Variants in PPFIA2 observed in about 807,000 individuals in gnomAD.
PPFIA2 encodes PPFI scaffold protein A2, also known as liprin-alpha-2.
PPFIA2 carries 46 observed loss-of-function variants against 175.5 expected under a neutral mutation model. The ratio of observed to expected loss-of-function variants is 0.26; its 90% CI spans 0.21 to 0.34. The LOEUF (loss-of-function observed/expected upper bound fraction) is 0.34. PPFIA2 is among the 10% of genes least tolerant of loss of function. PPFIA2 has a pLI of 1.00. For missense variants in PPFIA2, 1,179 were observed against 1,506.1 expected, an observed-to-expected ratio of 0.78 and a Z score of 3.60; for synonymous variants, 568 against 511.4, an observed-to-expected ratio of 1.11 and a Z score of -1.49.
intron 28 of PPFIA2, among the ~76,000 whole-genome samples, chr12:81,269,603 T>TC (rs779678855): frequency 6.6e-6 from 1 of 152,122 alleles, no homozygotes; most frequent in South Asian, 2.1e-4. Context: ...CCCACAGAGG[T>TC]CCCCTCATGC....
At chr12:81,462,577 T>TACACATATATATA (rs1566933225) in intron 4 of PPFIA2, among the ~76,000 whole-genome samples, 1 of 32,356 alleles carries the variant, frequency 3.1e-5, no homozygotes, top group East Asian at 1.1e-3. Context: ...TGTGTATATA[T>TACACATATATATA]ATATATACAT....
chr12:81,561,277 T>A lies in PPFIA2; in HGVS notation c.304-103411A>T, dbSNP rs1355240510. Among the ~76,000 whole-genome samples, 5 of 152,162 alleles carry A rather than the reference T, an allele frequency of 3.3e-5. No individual in the cohort carries two copies. The East Asian group carries it at 9.6e-4, about 29-fold the overall frequency. On this transcript the variant is annotated intron_variant, in intron 4 of 32. Coordinates refer to ENST00000549396, the MANE Select transcript of PPFIA2 (RefSeq NM_003625.5). ...TTTCCCTTATGATATTGCAGCAAAT[T>A]TAATCTCACTAGTTTCAGACATAAC...
At chr12:81,378,157 A>T (rs2036822746) in intron 9 of PPFIA2, 1 of 152,090 alleles carries the variant, frequency 6.6e-6, no homozygotes, top group Non-Finnish European at 1.5e-5. Flanking sequence ...CTTCAGAGAG[A>T]ATATGGCCCT....
chr12:81,674,505 T>C (rs1053258988), intron 4 of PPFIA2, among the ~76,000 whole-genome samples: 21 of 151,930 alleles, frequency 1.4e-4, no homozygotes, highest in Non-Finnish European at 2.2e-4. Flanking sequence ...CTGTATCTAC[T>C]AGAAATACAA....
chr12:81,390,149 T>A (rs2039844250), intron 8 of PPFIA2, among the ~76,000 whole-genome samples: 1 of 152,080 alleles, frequency 6.6e-6, no homozygotes, highest in Non-Finnish European at 1.5e-5. Flanking sequence ...TAGTATTCCA[T>A]CATGGGGATA....
chr12:81,419,015 T>C (rs2045808224), intron 7 of PPFIA2, among the ~76,000 whole-genome samples: 1 of 152,130 alleles, frequency 6.6e-6, no homozygotes, highest in Non-Finnish European at 1.5e-5. Context: ...TCTCCTTCTA[T>C]AGAGGTGAAA....
intron 4 of PPFIA2, among the ~76,000 whole-genome samples, chr12:81,603,473 G>A (rs2059990064): frequency 6.6e-6 from 1 of 151,218 alleles, no homozygotes; most frequent in African/African-American, 2.4e-5. Flanking sequence ...ACAAAAGTAT[G>A]TTTACATTTG....
chr12:81,759,194 C>A (rs1036680669), intron 1 of PPFIA2, 86 bp downstream of exon 1: 1 of 148,162 alleles, frequency 6.7e-6, no homozygotes, highest in Non-Finnish European at 1.5e-5. Context: ...GCCGCCCCCC[C>A]GCCGCCACAG....
chr12:81,699,849 A>AC (rs1036014865), intron 3 of PPFIA2, among the ~76,000 whole-genome samples: 1 of 152,038 alleles, frequency 6.6e-6, no homozygotes, highest in Non-Finnish European at 1.5e-5. Context: ...TCCATATCTA[A>AC]CTTATTCAAT....
At chr12:81,536,647 ATATT>A (rs2065424483) in intron 4 of PPFIA2, among the ~76,000 whole-genome samples, 1 of 149,226 alleles carries the variant, frequency 6.7e-6, no homozygotes, top group Non-Finnish European at 1.5e-5. Flanking sequence ...AGTAATAAAT[ATATT>A]TATTGAGTTT....
chr12:81,427,685 A>T (rs1286529046), intron 7 of PPFIA2, among the ~76,000 whole-genome samples: 1 of 152,066 alleles, frequency 6.6e-6, no homozygotes, highest in Non-Finnish European at 1.5e-5. Context: ...ATCACATTCA[A>T]AGTATCAACA....
In PPFIA2 at chr12:81,347,783, G is replaced by T; in HGVS notation, c.1995-13C>A. 6.2e-7 allele frequency: 1 copy of T among 1,611,924 alleles called. No homozygotes were observed. The highest frequency in any genetic ancestry group is 8.5e-7 in the Non-Finnish European group (1 of 1,179,398). The stretch of plus-strand genomic sequence containing the variant: ...TTCCTGAATTAGCCTGAAAGATACA[G>T]TTTAATTATGATCCATATATAATTT... On this transcript the variant is annotated splice_polypyrimidine_tract_variant and intron_variant, in intron 17 of 32. Transcript: ENST00000549396.
At chr12:81,715,743 A>C (rs2078524626) in intron 3 of PPFIA2, among the ~76,000 whole-genome samples, 1 of 151,802 alleles carries the variant, frequency 6.6e-6, no homozygotes, top group African/African-American at 2.4e-5. Context: ...TCGTACAATC[A>C]CGATAAAAGT....
Position 81,369,062 on chromosome 12 carries a change from C to T in PPFIA2, c.1350+49G>A, listed in dbSNP as rs146650428. The T allele has an allele frequency of 3.6e-4, 529 of 1,449,394 alleles. 1 individual carries two copies. In the African/African-American group the frequency reaches 6.5e-3, roughly 18 times the overall value. 89.8% of individuals were successfully genotyped at this position (1,449,394 alleles called of 1,614,324 possible). A position where few individuals can be genotyped will look rare whatever the true frequency, so the allele number is the denominator to read the frequency against. On this transcript the variant is annotated intron_variant, in intron 12 of 32. Coordinates refer to ENST00000549396, the MANE Select transcript of PPFIA2 (RefSeq NM_003625.5). The stretch of plus-strand genomic sequence containing the variant: ...AGGCTTTCTTCTTATATACAGAATA[C>T]GAATTCATAAACCAATGATTGGGGG...
intron 4 of PPFIA2, among the ~76,000 whole-genome samples, chr12:81,639,181 G>A (rs1458921978): frequency 6.6e-6 from 1 of 152,088 alleles, no homozygotes; most frequent in Non-Finnish European, 1.5e-5. Flanking sequence ...TCTCTCTCAT[G>A]AAGAAACAAA....
At chr12:81,314,871 A>AT (rs76528486) in intron 22 of PPFIA2, among the ~76,000 whole-genome samples, 11 of 151,430 alleles carry the variant, frequency 7.3e-5, no homozygotes, top group South Asian at 2.1e-4. Flanking sequence ...ATAAATAAAT[A>AT]TTTTTTTTAA....
intron 4 of PPFIA2, among the ~76,000 whole-genome samples, chr12:81,513,348 C>T (rs559121550): frequency 6.4e-4 from 98 of 152,074 alleles, no homozygotes; most frequent in African/African-American, 1.3e-3. Context: ...ATGGAAATTC[C>T]ACAGAAAACT....
At chr12:81,274,532 T>TTTTTTTTTTTTTTTTTTTTGAGACGG (rs2040008225) in intron 28 of PPFIA2, among the ~76,000 whole-genome samples, 1 of 152,194 alleles carries the variant, frequency 6.6e-6, no homozygotes, top group African/African-American at 2.4e-5. Context: ...TTTTCATTTT[T>TTTTTTTTTTTTTTTTTTTTGAGACGG]AAAGTTAGAT....
At chr12:81,438,062 T>TA (rs1427067439) in intron 7 of PPFIA2, among the ~76,000 whole-genome samples, 6 of 152,318 alleles carry the variant, frequency 3.9e-5, no homozygotes, top group African/African-American at 1.4e-4. Context: ...TTAATTCACA[T>TA]AGAGTTTACT....
Sources: gnomAD v4.1 joint callset for allele counts (sites outside exome capture counted in the v4.1 genomes callset) on GRCh38, gnomAD v4.1.1 for gene constraint, MANE v1.5 for transcripts, NCBI Gene and HGNC (gene_info 2026-07-23, HGNC 2026-07-21) for gene names.